PDCD6IP: variants seen among roughly 807,000 people sequenced by gnomAD.
The protein encoded by PDCD6IP is programmed cell death 6-interacting protein.
Under a neutral mutation model 103.7 loss-of-function variants are expected in PDCD6IP, and 43 were observed. That is an observed-to-expected ratio of 0.41 (90% confidence interval 0.32 to 0.53). PDCD6IP has a LOEUF of 0.53. Among genes scored for constraint, PDCD6IP ranks in the 20% least tolerant of loss-of-function variants. The pLI is 0.16. For synonymous variants in PDCD6IP, 354 were observed against 378.7 expected (o/e 0.93, Z 0.76); for missense variants, 871 against 1,036.7 (o/e 0.84, Z 2.20).
Position 33,812,062 on chromosome 3 carries a change from T to C in PDCD6IP, c.210-10T>C. The C allele has an allele frequency of 6.3e-7, 1 of 1,588,022 alleles. No homozygotes were observed. The highest frequency in any genetic ancestry group is 8.6e-7 in the Non-Finnish European group (1 of 1,169,488). On this transcript the variant is annotated splice_polypyrimidine_tract_variant and intron_variant, in intron 1 of 17. Coordinates refer to ENST00000307296, the MANE Select transcript of PDCD6IP (RefSeq NM_013374.6). Reference sequence around the variant, plus strand: ...GCTCTGGTAATTATTAATTCTGCTCTATTTTTTAGATATTATGATCAGATT... The same window carrying C: ...GCTCTGGTAATTATTAATTCTGCTCCATTTTTTAGATATTATGATCAGATT...
rs565102432 is a variant in PDCD6IP at position 33,861,888 on chromosome 3, A to T, written c.2121-2118A>T. ...AGCGTTTAAGAAGAATGAATATTTT[A>T]CTCTGAGCTTTACTTTCTTTTGACT... On this transcript the variant is annotated intron_variant, in intron 15 of 17. Coordinates refer to ENST00000307296, the MANE Select transcript of PDCD6IP (RefSeq NM_013374.6). 2.5e-4 allele frequency among the ~76,000 whole-genome samples: 38 copies of T among 152,288 alleles called. No individual in the cohort carries two copies. The East Asian group carries it at 6.4e-3, about 25-fold the overall frequency.
chr3:33,831,552 A>G (rs1378906008), intron 7 of PDCD6IP, among the ~76,000 whole-genome samples: 1 of 152,154 alleles, frequency 6.6e-6, no homozygotes, highest in African/African-American at 2.4e-5. Flanking sequence ...GCAAAATGGT[A>G]ATTGTTGAAC....
chr3:33,799,013 C>T, intron 1 of PDCD6IP, 76 bp downstream of exon 1: 1 of 1,322,858 alleles, frequency 7.6e-7, no homozygotes, highest in Non-Finnish European at 1.0e-6. Context: ...TCCCCCCTTC[C>T]TTCAATCCTG....
rs1173163869 is a variant in PDCD6IP, at chr3:33,800,119, C to CAAAAAAAAAAAA, written c.209+1197_209+1208dup. On this transcript the variant is annotated intron_variant, in intron 1 of 17. Coordinates refer to ENST00000307296, the MANE Select transcript of PDCD6IP (RefSeq NM_013374.6). ...TGGGCGACAGAGTGAGACTCCATCT[C>CAAAAAAAAAAAA]AAAAAAAAAAAAAAAAAAAAAAAAA... is the stretch of plus-strand genomic sequence containing the variant. Among the ~76,000 whole-genome samples, 116 of 50,870 alleles carry CAAAAAAAAAAAA rather than the reference C, an allele frequency of 2.3e-3. 1 individual carries two copies. The highest frequency in any genetic ancestry group is 3.7e-3 in the Non-Finnish European group (90 of 24,594). 33.4% of individuals were successfully genotyped at this position (50,870 alleles called of 152,430 possible). A position where few individuals can be genotyped will look rare whatever the true frequency, so the allele number is the denominator to read the frequency against.
At position 33,864,860 on chromosome 3, in the gene PDCD6IP, G is replaced by A. The variant is rs142835273; in HGVS notation, c.2245-383G>A. ...GTTGTTGAATTTCATTGGTAGATGT[G>A]TGATTATTTTATATACTATTTTTTA... On this transcript the variant is annotated intron_variant, in intron 16 of 17. Transcript: ENST00000307296. 2.9e-3 allele frequency among the ~76,000 whole-genome samples: 440 copies of A among 152,300 alleles called. 1 individual carries two copies. The highest frequency in any genetic ancestry group is 9.9e-3 in the African/African-American group (410 of 41,570).
chr3:33,845,320 G>C, intron 11 of PDCD6IP, 99 bp from the exon 12 acceptor site: 1 of 777,874 alleles, frequency 1.3e-6, no homozygotes, highest in Admixed American at 2.7e-5. Flanking sequence ...AGAAGGGGAG[G>C]ATAAGTAAAG....
chr3:33,849,955 A>G (rs1257462953), intron 12 of PDCD6IP, among the ~76,000 whole-genome samples: 1 of 152,180 alleles, frequency 6.6e-6, no homozygotes, highest in Non-Finnish European at 1.5e-5. Context: ...AGTTAGAATT[A>G]TTGCATTTTT....
intron 7 of PDCD6IP, chr3:33,835,119 G>T: frequency 1.3e-5 from 5 of 399,208 alleles, no homozygotes; most frequent in African/African-American, 2.1e-5. Flanking sequence ...ATTTTATATG[G>T]TGTCACTATA....
At chr3:33,854,874 A>G (rs1379212541) in intron 14 of PDCD6IP, 1 of 190,544 alleles carries the variant, frequency 5.2e-6, no homozygotes, top group East Asian at 1.4e-4. Flanking sequence ...TTATTAAACA[A>G]TTGACTTTTC....
At chr3:33,817,966 A>G (rs1696892744) in intron 3 of PDCD6IP, among the ~76,000 whole-genome samples, 1 of 152,072 alleles carries the variant, frequency 6.6e-6, no homozygotes, top group Non-Finnish European at 1.5e-5. Context: ...TATACATGAC[A>G]AATTGTCAAA....
intron 1 of PDCD6IP, among the ~76,000 whole-genome samples, chr3:33,800,183 T>C (rs1420919568): frequency 6.6e-6 from 1 of 151,316 alleles, no homozygotes; most frequent in Admixed American, 6.6e-5. Flanking sequence ...TCTAGGGATA[T>C]TCCTTCCTTA....
chr3:33,847,879 G>T (rs1046052813), intron 12 of PDCD6IP, among the ~76,000 whole-genome samples: 10 of 152,130 alleles, frequency 6.6e-5, no homozygotes, highest in African/African-American at 2.2e-4. Flanking sequence ...ATATGGGGCT[G>T]AGTCTAGCCA....
At chr3:33,822,369 A>G (rs1288293540) in intron 4 of PDCD6IP, among the ~76,000 whole-genome samples, 1 of 152,222 alleles carries the variant, frequency 6.6e-6, no homozygotes, top group East Asian at 1.9e-4. Context: ...CTGAGATTTC[A>G]TCTCAGGCAT....
At chr3:33,825,677 A>G (rs980329791) in intron 5 of PDCD6IP, among the ~76,000 whole-genome samples, 3 of 152,254 alleles carry the variant, frequency 2.0e-5, no homozygotes, top group Admixed American at 2.0e-4. Flanking sequence ...TCTAGTTTCT[A>G]GATAAACGGA....
chr3:33,827,013 A>G, intron 6 of PDCD6IP: 1 of 993,196 alleles, frequency 1.0e-6, no homozygotes, highest in Non-Finnish European at 1.2e-6. Flanking sequence ...AAAAAGGAAA[A>G]GAAAACTTAA....
rs986953496 is a variant in PDCD6IP, at chr3:33,868,004, T to C, written c.*1479T>C. 1 of 152,322 alleles carries C rather than the reference T, an allele frequency of 6.6e-6. No individual in the cohort carries two copies. Among genetic ancestry groups the C allele is most frequent in the Admixed American group, 6.5e-5 (1 of 15,300 alleles). 9.4% of individuals were successfully genotyped at this position (152,322 alleles called of 1,614,324 possible). ...TATATGTATATTTTAAACTTTGTTG[T>C]GTGTAGGAAACATGAAGGCATGTTA... On this transcript the variant is annotated 3_prime_UTR_variant, in exon 18 of 18. Transcript: ENST00000307296.
At chr3:33,854,991 T>A (rs1316659805) in intron 14 of PDCD6IP, 175 bp from the exon 15 acceptor site, 3 of 435,958 alleles carry the variant, frequency 6.9e-6, no homozygotes, top group Non-Finnish European at 1.2e-5. Flanking sequence ...TCTTTAGGAG[T>A]CTTAGATCAT....
rs149062331 is a variant in PDCD6IP at position 33,800,360 on chromosome 3, G to T, written c.209+1423G>T. ...TAGCTCTGGTGGAAGTCCATGGGAG[G>T]CTCCTGGGTTTGTTTGCACCCATTT... On this transcript the variant is annotated intron_variant, in intron 1 of 17. Coordinates refer to ENST00000307296, the MANE Select transcript of PDCD6IP (RefSeq NM_013374.6). Among the ~76,000 whole-genome samples, 99 of 152,152 alleles carry T rather than the reference G, an allele frequency of 6.5e-4. 1 individual carries two copies. The highest frequency in any genetic ancestry group is 5.1e-3 in the Admixed American group (78 of 15,282).
intron 3 of PDCD6IP, among the ~76,000 whole-genome samples, chr3:33,819,348 A>T (rs1466104982): frequency 1.3e-5 from 2 of 152,130 alleles, no homozygotes; most frequent in Non-Finnish European, 2.9e-5. Context: ...AATCTCTTTA[A>T]GGAATGCTAA....
Sources: gnomAD v4.1 joint callset for allele counts (sites outside exome capture counted in the v4.1 genomes callset) on GRCh38, gnomAD v4.1.1 for gene constraint, MANE v1.5 for transcripts, NCBI Gene and HGNC (gene_info 2026-07-23, HGNC 2026-07-21) for gene names.